The following SLC1A2 variants were observed in gnomAD, a reference collection of about 807,000 sequenced individuals.
The protein encoded by SLC1A2 is excitatory amino acid transporter 2.
SLC1A2 carries 15 observed loss-of-function variants against 48.8 expected under a neutral mutation model. That is an observed-to-expected ratio of 0.31 (90% CI 0.21 to 0.47). The LOEUF (loss-of-function observed/expected upper bound fraction) is 0.47. Ranked by LOEUF, SLC1A2 falls within the 20% of genes least tolerant of loss-of-function variation. The probability of loss-of-function intolerance (pLI) is 0.99; values close to 1 mark genes in which losing one functional copy is unlikely to be tolerated. For synonymous variants in SLC1A2, 279 were observed against 272.6 expected, an observed-to-expected ratio of 1.02 and a Z score of -0.23; for missense variants, 502 against 730.5, an observed-to-expected ratio of 0.69 and a Z score of 3.61.
intron 1 of SLC1A2, among the ~76,000 whole-genome samples, chr11:35,361,796 GC>G (rs1489347264): frequency 1.3e-5 from 2 of 152,046 alleles, no homozygotes. Flanking sequence ...GGACAACATG[GC>G]AAAACCAAGT....
chr11:35,361,606 G>A (rs1040760885), intron 1 of SLC1A2, among the ~76,000 whole-genome samples: 3 of 152,096 alleles, frequency 2.0e-5, no homozygotes, highest in Non-Finnish European at 4.4e-5. Context: ...TAAGAAGAGG[G>A]GACAAATGGG....
intron 6 of SLC1A2, 26 bp from the exon 7 acceptor site, chr11:35,292,546 G>T: frequency 2.1e-6 from 3 of 1,447,094 alleles, no homozygotes; most frequent in Non-Finnish European, 2.9e-6. Context: ...GGGAAAAACA[G>T]CATTGAAGAG....
intron 1 of SLC1A2, among the ~76,000 whole-genome samples, chr11:35,351,957 G>C (rs1853275216): frequency 6.6e-6 from 1 of 152,164 alleles, no homozygotes; most frequent in African/African-American, 2.4e-5. Flanking sequence ...TATAAAAATT[G>C]TACATTGCAT....
intron 1 of SLC1A2, among the ~76,000 whole-genome samples, chr11:35,406,639 G>GA (rs112697411): frequency 0.1 from 15,343 of 150,580 alleles, 996 homozygotes; most frequent in Middle Eastern, 0.15. Context: ...GCTGAAGGAA[G>GA]AAAAAAAAGG....
chr11:35,298,886 A>G (rs761696927), intron 6 of SLC1A2: 3 of 152,220 alleles, frequency 2.0e-5, no homozygotes, highest in Non-Finnish European at 2.9e-5. Context: ...TGTTATTGGC[A>G]TCATATTACA....
At chr11:35,363,144 T>C (rs540077502) in intron 1 of SLC1A2, among the ~76,000 whole-genome samples, 104 of 152,330 alleles carry the variant, frequency 6.8e-4, no homozygotes, top group African/African-American at 2.5e-3. Context: ...AGAGGCTTAC[T>C]GTCTCTCTAG....
intron 1 of SLC1A2, chr11:35,322,669 A>T (rs968625001): frequency 6.5e-7 from 1 of 1,526,990 alleles, no homozygotes; most frequent in African/African-American, 1.4e-5. Flanking sequence ...ACTGGAAGAC[A>T]CTAGGTCACC....
At chr11:35,370,308 T>C (rs1854013196) in intron 1 of SLC1A2, among the ~76,000 whole-genome samples, 1 of 152,160 alleles carries the variant, frequency 6.6e-6, no homozygotes, top group South Asian at 2.1e-4. Flanking sequence ...GCTCACTCTC[T>C]TTAGGGAAAG....
intron 1 of SLC1A2, chr11:35,418,547 C>G (rs1000554466): frequency 4.1e-5 from 8 of 195,470 alleles, no homozygotes; most frequent in African/African-American, 1.6e-4. Flanking sequence ...TCATTCCTTC[C>G]GAGCCGGCAC....
chr11:35,411,141 C>T (rs1338447440), intron 1 of SLC1A2, among the ~76,000 whole-genome samples: 1 of 152,122 alleles, frequency 6.6e-6, no homozygotes, highest in Non-Finnish European at 1.5e-5. Flanking sequence ...GGATTGAGTT[C>T]CAGAAAAATC....
intron 6 of SLC1A2, among the ~76,000 whole-genome samples, chr11:35,296,978 A>T (rs1431357736): frequency 6.6e-6 from 1 of 151,978 alleles, no homozygotes; most frequent in African/African-American, 2.4e-5. Flanking sequence ...CTTATTCACC[A>T]TTATCTCACC....
chr11:35,265,628 T>C lies in SLC1A2; in HGVS notation c.1552A>G (p.Lys518Glu), dbSNP rs1179065178. ...HRVHEDIEMT[K>E]TQSIYDDMKN... ...ATGTCATCATAAATGGATTGAGTCT[T>C]GGTCATTTCAATATCTTCATGCACT... The change falls in exon 10 of 11, where the codon AAG becomes GAG. Residue 518 changes from lysine to glutamate, a missense_variant. Around this residue, in one of 4 missense-constraint regions of SLC1A2, gnomAD observed 102 missense variants for 107.2 expected, o/e 0.95. Transcript: ENST00000278379. 2 of 1,612,868 alleles carry C rather than the reference T, an allele frequency of 1.2e-6. No individual in the cohort carries two copies. The highest frequency in any genetic ancestry group is 1.7e-6 in the Non-Finnish European group (2 of 1,178,784).
intron 1 of SLC1A2, among the ~76,000 whole-genome samples, chr11:35,382,317 T>C (rs1163378687): frequency 6.6e-6 from 1 of 152,238 alleles, no homozygotes; most frequent in Non-Finnish European, 1.5e-5. Flanking sequence ...AAACCTATTT[T>C]GTTTCTTCCT....
intron 9 of SLC1A2, among the ~76,000 whole-genome samples, chr11:35,268,360 T>C (rs1850164541): frequency 6.6e-6 from 1 of 152,176 alleles, no homozygotes; most frequent in African/African-American, 2.4e-5. Flanking sequence ...GTTAAATTTA[T>C]ATCACACTTA....
At chr11:35,302,736 T>TG (rs2134807162) in intron 5 of SLC1A2, among the ~76,000 whole-genome samples, 1 of 151,862 alleles carries the variant, frequency 6.6e-6, no homozygotes, top group Non-Finnish European at 1.5e-5. Context: ...CCTCGGTACC[T>TG]CACGCTCAGG....
At chr11:35,305,603 G>T (rs1177122254) in intron 5 of SLC1A2, among the ~76,000 whole-genome samples, 1 of 152,120 alleles carries the variant, frequency 6.6e-6, no homozygotes. Flanking sequence ...AAGCTCCCTT[G>T]GTACCTACTC....
chr11:35,327,563 T>C (rs556321026), intron 1 of SLC1A2, among the ~76,000 whole-genome samples: 2 of 152,342 alleles, frequency 1.3e-5, no homozygotes, highest in East Asian at 3.9e-4. Flanking sequence ...TCTCATACAT[T>C]TCCTTTCTTG....
At chr11:35,311,442 G>A (rs932372946) in intron 4 of SLC1A2, among the ~76,000 whole-genome samples, 2 of 152,164 alleles carry the variant, frequency 1.3e-5, no homozygotes, top group African/African-American at 2.4e-5. Flanking sequence ...TTATAGGCAT[G>A]AGCCACCACG....
At chr11:35,348,796 G>A (rs1459975425) in intron 1 of SLC1A2, among the ~76,000 whole-genome samples, 2 of 151,642 alleles carry the variant, frequency 1.3e-5, no homozygotes, top group Non-Finnish European at 2.9e-5. Context: ...GGGAGGCTGA[G>A]GTGGGAGAAT....
Sources: allele counts gnomAD v4.1 joint callset (sites outside exome capture counted in the v4.1 genomes callset), GRCh38; gene constraint gnomAD v4.1.1; regional missense constraint gnomAD v4.1.1; transcripts MANE v1.5; gene names NCBI Gene and HGNC (gene_info 2026-07-23, HGNC 2026-07-21).